The following FNIP1 variants were observed in gnomAD, a reference collection of about 807,000 sequenced individuals.
The protein encoded by FNIP1 is folliculin interacting protein 1, also known as folliculin-interacting protein 1.
FNIP1 carries 40 observed loss-of-function variants against 124.5 expected under a neutral mutation model. The observed-to-expected ratio is 0.32, with a 90% CI of 0.25 to 0.42. The LOEUF (loss-of-function observed/expected upper bound fraction) is 0.42, where lower values mean the gene tolerates loss of function less well. FNIP1 is among the 10% of genes least tolerant of loss of function. The probability of loss-of-function intolerance (pLI) is 1.00; values close to 1 mark genes in which losing one functional copy is unlikely to be tolerated. For synonymous variants in FNIP1, 472 were observed against 470.6 expected (o/e 1.00, Z -0.04); for missense variants, 1,176 against 1,403.7 (o/e 0.84, Z 2.59).
At chr5:131,681,622 G>T (rs1768083404) in intron 11 of FNIP1, among the ~76,000 whole-genome samples, 1 of 150,662 alleles carries the variant, frequency 6.6e-6, no homozygotes, top group African/African-American at 2.4e-5. Context: ...CAAAGAAAAG[G>T]ATTATCCAAA....
chr5:131,681,458 G>A (rs1768076848), intron 11 of FNIP1, among the ~76,000 whole-genome samples: 1 of 151,930 alleles, frequency 6.6e-6, no homozygotes, highest in East Asian at 1.9e-4. Flanking sequence ...AAGCCTCCAA[G>A]CAGAGAAAAA....
At chr5:131,746,880 T>A (rs1223602833) in intron 1 of FNIP1, among the ~76,000 whole-genome samples, 4 of 152,316 alleles carry the variant, frequency 2.6e-5, no homozygotes, top group East Asian at 3.9e-4. Flanking sequence ...CTAAACTACT[T>A]TACATTCCCA....
chr5:131,649,460 T>C (rs1351148971), intron 16 of FNIP1, among the ~76,000 whole-genome samples: 1 of 152,250 alleles, frequency 6.6e-6, no homozygotes, highest in South Asian at 2.1e-4. Flanking sequence ...TATATTTTCT[T>C]TGGCAAAACG....
In FNIP1 at chr5:131,722,397, A is replaced by T. The variant is rs138350531; in HGVS notation, c.355-2980T>A. ...AGTGTCCCAATACCATTCTTAACTG[A>T]TGCAATTATATAAAATCAAAAAATA... On this transcript the variant is annotated intron_variant, in intron 3 of 17. Transcript: ENST00000510461. Among the ~76,000 whole-genome samples, 4 of 152,316 alleles carry T rather than the reference A, an allele frequency of 2.6e-5. No homozygotes were observed. In the East Asian group the frequency reaches 7.7e-4, roughly 29 times the overall value.
intron 8 of FNIP1, among the ~76,000 whole-genome samples, chr5:131,707,151 T>C (rs908393356): frequency 6.6e-6 from 1 of 152,228 alleles, no homozygotes; most frequent in African/African-American, 2.4e-5. Flanking sequence ...CCCCTGATCT[T>C]GGGGATGGAT....
At chr5:131,728,457 G>A (rs190198785) in intron 3 of FNIP1, among the ~76,000 whole-genome samples, 77 of 151,666 alleles carry the variant, frequency 5.1e-4, no homozygotes, top group African/African-American at 1.8e-3. Context: ...CCTTTCTTCC[G>A]CTTGATTGAT....
rs112641683 is a variant in FNIP1, at chr5:131,695,153, A to C, written c.1202+3764T>G. 8.7e-4 allele frequency among the ~76,000 whole-genome samples: 122 copies of C among 141,022 alleles called. 1 individual carries two copies. The highest frequency in any genetic ancestry group is 3.6e-3 in the Middle Eastern group (1 of 276). The allele number at this position is 141,022 out of a possible 152,430, so 92.5% of individuals were successfully genotyped here. A position where few individuals can be genotyped will look rare whatever the true frequency, so the allele number is the denominator to read the frequency against. On this transcript the variant is annotated intron_variant, in intron 11 of 17. Coordinates refer to ENST00000510461, the MANE Select transcript of FNIP1 (RefSeq NM_133372.3). ...TAAATAAATAAATAAATAAATAAAT[A>C]AAGCATTAACTGGGAAAACTGTAGG...
At position 131,644,532 on chromosome 5, in the gene FNIP1, C is replaced by T. The variant is rs918465258; in HGVS notation, c.*153G>A. 7.3e-6 allele frequency: 4 copies of T among 548,706 alleles called. No individual in the cohort carries two copies. The highest frequency in any genetic ancestry group is 1.3e-5 in the Non-Finnish European group (4 of 319,986). The allele number at this position is 548,706 out of a possible 1,614,324, so 34.0% of individuals were successfully genotyped here. A position where few individuals can be genotyped will look rare whatever the true frequency, so the allele number is the denominator to read the frequency against. On this transcript the variant is annotated 3_prime_UTR_variant, in exon 18 of 18. Coordinates refer to ENST00000510461, the MANE Select transcript of FNIP1 (RefSeq NM_133372.3). ...CAAAAAGAAAAAGCCATCTGACATA[C>T]ACAGAATATACAATGCTATGCAGAA...
chr5:131,745,583 T>C (rs762831273), intron 1 of FNIP1, among the ~76,000 whole-genome samples: 16 of 152,152 alleles, frequency 1.1e-4, no homozygotes, highest in Admixed American at 2.6e-4. Context: ...TTTTTAAAAA[T>C]TTATATATAA....
intron 10 of FNIP1, among the ~76,000 whole-genome samples, chr5:131,699,893 T>A (rs1768833867): frequency 8.9e-6 from 1 of 112,440 alleles, no homozygotes; most frequent in Non-Finnish European, 1.7e-5. Flanking sequence ...CACTCCAGCC[T>A]GGGTGATGGA....
intron 15 of FNIP1, among the ~76,000 whole-genome samples, chr5:131,658,907 C>CAAAAAAAAAAAAAAAAAA (rs70974003): frequency 7.3e-5 from 3 of 41,162 alleles, no homozygotes; most frequent in Admixed American, 3.9e-4. Flanking sequence ...TGGGTCTAGC[C>CAAAAAAAAAAAAAAAAAA]AAAAAAAAAA....
At chr5:131,692,194 T>C (rs1174573657) in intron 11 of FNIP1, among the ~76,000 whole-genome samples, 1 of 152,188 alleles carries the variant, frequency 6.6e-6, no homozygotes. Flanking sequence ...TAAATGATTA[T>C]AATGAGGTTG....
chr5:131,788,393 G>T (rs370524436), intron 1 of FNIP1, among the ~76,000 whole-genome samples: 2 of 152,080 alleles, frequency 1.3e-5, no homozygotes, highest in African/African-American at 2.4e-5. Flanking sequence ...CCAAGGCCAG[G>T]TGCAGTAGCT....
At chr5:131,795,793 T>C (rs914107593) in intron 1 of FNIP1, 1 of 152,226 alleles carries the variant, frequency 6.6e-6, no homozygotes, top group Non-Finnish European at 1.5e-5. Context: ...ATTTGACAGA[T>C]TCTCTTTTTT....
At chr5:131,734,682 A>AAAATAAGATT (rs1770226250) in intron 2 of FNIP1, among the ~76,000 whole-genome samples, 1 of 152,252 alleles carries the variant, frequency 6.6e-6, no homozygotes, top group Non-Finnish European at 1.5e-5. Context: ...AAAAGAAGAC[A>AAAATAAGATT]TTTATGCAGC....
rs1769597805 is a variant in FNIP1, at chr5:131,719,838, T to C, written c.355-421A>G. On this transcript the variant is annotated intron_variant, in intron 3 of 17. Coordinates refer to ENST00000510461, the MANE Select transcript of FNIP1 (RefSeq NM_133372.3). ...AAAGAATATGCAGAATAATTTTTAC[T>C]ACTCCTGTTGTATATAAGAAGCATC... 2.0e-5 allele frequency among the ~76,000 whole-genome samples: 3 copies of C among 152,362 alleles called. No homozygotes were observed. In the South Asian group the frequency reaches 6.2e-4, roughly 32 times the overall value.
chr5:131,791,788 G>A (rs954894559), intron 1 of FNIP1, among the ~76,000 whole-genome samples: 3 of 152,048 alleles, frequency 2.0e-5, no homozygotes, highest in African/African-American at 7.2e-5. Flanking sequence ...ATTGGAATAT[G>A]GACTAAGAAT....
intron 6 of FNIP1, among the ~76,000 whole-genome samples, chr5:131,713,847 G>A (rs1041350692): frequency 1.3e-5 from 2 of 152,150 alleles, no homozygotes; most frequent in African/African-American, 4.8e-5. Context: ...TTTACTGTAG[G>A]TAACATTATC....
chr5:131,716,390 AAT>A (rs1412335467), intron 6 of FNIP1, among the ~76,000 whole-genome samples, 173 bp downstream of exon 6: 1 of 152,234 alleles, frequency 6.6e-6, no homozygotes, highest in African/African-American at 2.4e-5. Flanking sequence ...ATATATGAAA[AAT>A]ATGTTTTCCA....
Sources: allele counts gnomAD v4.1 joint callset (sites outside exome capture counted in the v4.1 genomes callset), GRCh38; gene constraint gnomAD v4.1.1; transcripts MANE v1.5; gene names NCBI Gene and HGNC (gene_info 2026-07-23, HGNC 2026-07-21).